The following DOP1B variants were observed in gnomAD, a reference collection of about 807,000 sequenced individuals.
The protein encoded by DOP1B is protein DOP1B.
Under a neutral mutation model 233.5 loss-of-function variants are expected in DOP1B, and 174 were observed. That is an observed-to-expected ratio of 0.75 (90% CI 0.66 to 0.85). The LOEUF is 0.85. Ranked by LOEUF, DOP1B falls within the 40% of genes least tolerant of loss-of-function variation. The pLI is 0.00. For missense variants in DOP1B, 2,652 were observed against 2,846.6 expected, an observed-to-expected ratio of 0.93 and a Z score of 1.56; for synonymous variants, 1,190 against 1,185.6, an observed-to-expected ratio of 1.00 and a Z score of -0.08.
intron 20 of DOP1B, among the ~76,000 whole-genome samples, 194 bp from the exon 21 acceptor site, chr21:36,248,186 C>G (rs1006056108): frequency 1.3e-5 from 2 of 152,196 alleles, no homozygotes; most frequent in Non-Finnish European, 2.9e-5. Flanking sequence ...ATCAGACTCA[C>G]AGCTGTCTCT....
intron 22 of DOP1B, 124 bp from the exon 23 acceptor site, chr21:36,253,648 A>AAAC: frequency 8.3e-7 from 1 of 1,205,834 alleles, no homozygotes; most frequent in Non-Finnish European, 1.1e-6. Flanking sequence ...AAAAAAAAAA[A>AAAC]AAAAGAGATG....
chr21:36,238,207 T>A (rs919717163), intron 16 of DOP1B, among the ~76,000 whole-genome samples: 1 of 152,186 alleles, frequency 6.6e-6, no homozygotes, highest in Admixed American at 6.5e-5. Flanking sequence ...CCAATTTTTT[T>A]AAAAGAATAT....
rs145943200 is a variant in DOP1B, at chr21:36,238,639, C to G, written c.2814C>G (p.Ile938Met). 6.2e-5 allele frequency: 100 copies of G among 1,614,114 alleles called. No homozygotes were observed. The highest frequency in any genetic ancestry group is 7.9e-5 in the Non-Finnish European group (93 of 1,180,048). ...AAGCTCTGTTTAGATTTTCCGTGAT[C>G]TGGCATCTGACAAGAGAGATCCAAG... ...RLEALFRFSV[I>M]WHLTREIQGS... The change falls in exon 17 of 37, where the codon ATC becomes ATG. Residue 938 changes from isoleucine (I) to methionine (M), a missense_variant. Coordinates refer to ENST00000691173, the MANE Select transcript of DOP1B (RefSeq NM_001320714.2).
intron 10 of DOP1B, among the ~76,000 whole-genome samples, chr21:36,222,117 C>T (rs1371835880): frequency 2.0e-5 from 3 of 151,990 alleles, no homozygotes; most frequent in African/African-American, 7.2e-5. Flanking sequence ...AGTGATCTGC[C>T]TGCCTCGGCC....
At chr21:36,225,082 A>G (rs560550457) in intron 11 of DOP1B, among the ~76,000 whole-genome samples, 75 of 152,304 alleles carry the variant, frequency 4.9e-4, no homozygotes, top group South Asian at 8.3e-4. Flanking sequence ...GATTCAGGAC[A>G]CTTATTGACA....
chr21:36,235,713 G>A (rs1466225617), intron 15 of DOP1B, among the ~76,000 whole-genome samples: 1 of 152,068 alleles, frequency 6.6e-6, no homozygotes, highest in African/African-American at 2.4e-5. Flanking sequence ...GGGGCACATA[G>A]TGAGACCCTG....
chr21:36,261,763 G>A (rs1319440072), intron 24 of DOP1B: 5 of 689,984 alleles, frequency 7.2e-6, no homozygotes, highest in Middle Eastern at 7.2e-4. Context: ...CAAAAAATTA[G>A]CCAGGGCTTG....
intron 27 of DOP1B, among the ~76,000 whole-genome samples, chr21:36,271,552 G>A (rs1190416475): frequency 2.6e-5 from 4 of 151,974 alleles, no homozygotes; most frequent in Non-Finnish European, 4.4e-5. Context: ...TATTACAGGC[G>A]TGAGCCTCTG....
intron 7 of DOP1B, 68 bp from the exon 8 acceptor site, chr21:36,214,013 C>A: frequency 7.7e-7 from 1 of 1,290,816 alleles, no homozygotes; most frequent in Non-Finnish European, 1.1e-6. Flanking sequence ...GAGCATGAGA[C>A]TTTTGCACAA....
rs562864553 is a variant in DOP1B at position 36,270,318 on chromosome 21, C to T, written c.5632+161C>T. On this transcript the variant is annotated intron_variant, in intron 27 of 36. Transcript: ENST00000691173. ...CTGTAATCCCAGCACTTTGGGAGACCGAGATGGGCAGATAAAGCAAGGTCA... is the reference window on the plus strand; with the variant it reads ...CTGTAATCCCAGCACTTTGGGAGACTGAGATGGGCAGATAAAGCAAGGTCA... Among the ~76,000 whole-genome samples, 281 of 150,602 alleles carry T rather than the reference C, an allele frequency of 1.9e-3. 2 individuals are homozygous for T. Among genetic ancestry groups the T allele is most frequent in the African/African-American group, 6.6e-3 (268 of 40,366 alleles).
intron 7 of DOP1B, among the ~76,000 whole-genome samples, chr21:36,212,945 G>A (rs2066517224): frequency 6.6e-6 from 1 of 152,042 alleles, no homozygotes; most frequent in Admixed American, 6.6e-5. Context: ...CCCCGGCTGG[G>A]TAATTTTTGT....
chr21:36,251,247 G>A lies in DOP1B; in HGVS notation c.5084G>A (p.Trp1695Ter). 1.2e-6 allele frequency: 2 copies of A among 1,613,796 alleles called. No individual in the cohort carries two copies. Among genetic ancestry groups the A allele is most frequent in the Non-Finnish European group, 1.7e-6 (2 of 1,179,936 alleles). The part of the protein sequence containing the change: ...VQLTAAVAAV[W>*]SRKKAQRHSK... The stretch of plus-strand genomic sequence containing the variant: ...TTGACAGCGGCTGTTGCGGCAGTGT[G>A]GAGCAGAAAGAAAGCCCAGCGTCAC... Residue 1695 changes from tryptophan to a stop codon, truncating the protein, a stop_gained, in exon 22 of 37, where the codon TGG becomes TAG. Coordinates refer to ENST00000691173, the MANE Select transcript of DOP1B (RefSeq NM_001320714.2). LOFTEE classifies it high-confidence loss of function.
chr21:36,270,138 T>C lies in DOP1B; in HGVS notation c.5613T>C (p.Asp1871=), dbSNP rs768080002. Residue 1871 remains aspartate, a synonymous_variant, in exon 27 of 37, where the codon GAT becomes GAC. Coordinates refer to ENST00000691173, the MANE Select transcript of DOP1B (RefSeq NM_001320714.2). The part of the protein sequence containing the change: ...AQPQASLEES[D]AEEDLYDAAA... ...CTCAGGCCTCTCTAGAAGAATCTGA[T>C]GCTGAGGAGGACCTGTATGGTAGGT... 2.2e-5 allele frequency: 35 copies of C among 1,614,010 alleles called. No homozygotes were observed. Among genetic ancestry groups the C allele is most frequent in the Non-Finnish European group, 2.8e-5 (33 of 1,180,034 alleles).
chr21:36,285,561 G>A (rs1412264253), intron 32 of DOP1B, among the ~76,000 whole-genome samples: 2 of 152,286 alleles, frequency 1.3e-5, no homozygotes, highest in South Asian at 4.1e-4. Context: ...TGAGTCCTGG[G>A]TTGATGGCAC....
chr21:36,193,662 G>A (rs1186429766), intron 2 of DOP1B, among the ~76,000 whole-genome samples: 1 of 152,114 alleles, frequency 6.6e-6, no homozygotes, highest in Non-Finnish European at 1.5e-5. Context: ...CCCTAAAAAT[G>A]TGCTGTCCCT....
chr21:36,241,577 C>T (rs556610653), intron 18 of DOP1B, among the ~76,000 whole-genome samples: 45 of 136,722 alleles, frequency 3.3e-4, no homozygotes, highest in Non-Finnish European at 5.5e-4. Context: ...GGTGCAATCT[C>T]GGCTCACTGC....
chr21:36,239,312 C>G (rs2066864818), intron 17 of DOP1B, among the ~76,000 whole-genome samples: 1 of 152,180 alleles, frequency 6.6e-6, no homozygotes, highest in South Asian at 2.1e-4. Flanking sequence ...GCAGGGAGGT[C>G]AGATGGCCTA....
chr21:36,170,501 C>A (rs1397015918), intron 2 of DOP1B: 1 of 158,814 alleles, frequency 6.3e-6, no homozygotes, highest in East Asian at 1.9e-4. Flanking sequence ...GAGGCTGAGG[C>A]AGGAGAATTG....
At position 36,237,581 on chromosome 21, in the gene DOP1B, T is replaced by G. The variant is rs530850192; in HGVS notation, c.2775+167T>G. 9.8e-5 allele frequency among the ~76,000 whole-genome samples: 15 copies of G among 152,336 alleles called. No individual in the cohort carries two copies. The South Asian group carries it at 3.1e-3, about 32-fold the overall frequency. On this transcript the variant is annotated intron_variant, in intron 16 of 36. Coordinates refer to ENST00000691173, the MANE Select transcript of DOP1B (RefSeq NM_001320714.2). ...TAGGATTTCAGTACTGGAAGGCCAC[T>G]AGAAGCATGAGCCATTCTTTTTACA...
Sources: allele counts gnomAD v4.1 joint callset (sites outside exome capture counted in the v4.1 genomes callset), GRCh38; gene constraint gnomAD v4.1.1; transcripts MANE v1.5; gene names NCBI Gene and HGNC (gene_info 2026-07-23, HGNC 2026-07-21).